The following SKIC2 variants were observed in gnomAD, a reference collection of about 807,000 sequenced individuals.
SKIC2 encodes the protein SKI2 subunit of superkiller complex, also known as superkiller complex protein 2.
chr6:31,960,660 TC>T, the SKIC2 span: 1 of 1,589,898 alleles, frequency 6.3e-7, no homozygotes, highest in South Asian at 1.1e-5. Context: ...TCCTGTCTCT[TC>T]CCAGGGGGGA....
At chr6:31,959,191 G>A in the SKIC2 span, 1 of 1,610,418 alleles carries the variant, frequency 6.2e-7, no homozygotes, top group Non-Finnish European at 8.5e-7. Flanking sequence ...TGTGGCTCCA[G>A]GATGATGGAG....
the SKIC2 span, chr6:31,959,310 A>G: frequency 6.2e-7 from 1 of 1,613,600 alleles, no homozygotes; most frequent in Non-Finnish European, 8.5e-7. Flanking sequence ...TACCCCCTCC[A>G]GATCCCCTGG....
chr6:31,964,014 C>T, the SKIC2 span: 1 of 1,612,682 alleles, frequency 6.2e-7, no homozygotes, highest in Non-Finnish European at 8.5e-7. This position sits in a 1 kb window ranked among gnomAD's most constrained non-coding sequence, Gnocchi z 5.0. Flanking sequence ...ATGAGCAGGC[C>T]TCAGGCCTCA....
the SKIC2 span, chr6:31,964,344 T>C: frequency 1.2e-6 from 2 of 1,610,432 alleles, no homozygotes; most frequent in Non-Finnish European, 1.7e-6. The surrounding 1 kb of genome is among the most constrained non-coding windows in gnomAD (Gnocchi z 5.0). Context: ...CTGGTCAAGG[T>C]GCATGTGGTG....
chr6:31,964,628 A>G, the SKIC2 span, among the ~76,000 whole-genome samples: 1 of 152,246 alleles, frequency 6.6e-6, no homozygotes, highest in Non-Finnish European at 1.5e-5. This position sits in a 1 kb window ranked among gnomAD's most constrained non-coding sequence, Gnocchi z 5.0. Context: ...GCTAGCAAGC[A>G]TTCGAAAAGT....
chr6:31,962,816 C>T, the SKIC2 span: 3 of 1,579,296 alleles, frequency 1.9e-6, no homozygotes, highest in Non-Finnish European at 2.6e-6. The surrounding 1 kb of genome is among the most constrained non-coding windows in gnomAD (Gnocchi z 5.0). Context: ...CCATGGGCTC[C>T]CCAGAACCCG....
At chr6:31,963,392 G>T in the SKIC2 span, 1 of 1,526,040 alleles carries the variant, frequency 6.6e-7, no homozygotes. The surrounding 1 kb of genome is among the most constrained non-coding windows in gnomAD (Gnocchi z 5.3). Flanking sequence ...CCCCTGACCT[G>T]CTTCCCTCTC....
the SKIC2 span, chr6:31,965,646 C>T: frequency 1.7e-6 from 1 of 592,128 alleles, no homozygotes; most frequent in Non-Finnish European, 3.1e-6. This position sits in a 1 kb window ranked among gnomAD's most constrained non-coding sequence, Gnocchi z 5.6. Flanking sequence ...ATAGATTTGC[C>T]TGGAGAGTTC....
the SKIC2 span, among the ~76,000 whole-genome samples, chr6:31,965,493 G>A: frequency 2.0e-5 from 3 of 152,186 alleles, no homozygotes. This position sits in a 1 kb window ranked among gnomAD's most constrained non-coding sequence, Gnocchi z 5.6. Flanking sequence ...TGTTCTATAA[G>A]ATCATATTTA....
At chr6:31,968,957 G>T in the SKIC2 span, 1 of 1,612,998 alleles carries the variant, frequency 6.2e-7, no homozygotes, top group Non-Finnish European at 8.5e-7. This position sits in a 1 kb window ranked among gnomAD's most constrained non-coding sequence, Gnocchi z 6.1. Flanking sequence ...GCCATGAGTT[G>T]CTCCTCACTG....
the SKIC2 span, chr6:31,969,232 T>C: frequency 6.2e-7 from 1 of 1,606,082 alleles, no homozygotes; most frequent in South Asian, 1.1e-5. This position sits in a 1 kb window ranked among gnomAD's most constrained non-coding sequence, Gnocchi z 6.1. Context: ...GGTCCTTCCC[T>C]GTCCTGGAGC....
At chr6:31,959,423 C>T in the SKIC2 span, 212 of 1,539,366 alleles carry the variant, frequency 1.4e-4, 2 homozygotes, top group South Asian at 2.3e-3. Flanking sequence ...TGACCCTAAC[C>T]TTTGACCCGC....
chr6:31,965,879 C>T, the SKIC2 span: 37 of 1,612,998 alleles, frequency 2.3e-5, no homozygotes, highest in Middle Eastern at 9.9e-4. This position sits in a 1 kb window ranked among gnomAD's most constrained non-coding sequence, Gnocchi z 5.6. Flanking sequence ...CTCCACCTTC[C>T]GGGACCTGCT....
At chr6:31,962,602 C>T in the SKIC2 span, 1 of 1,610,884 alleles carries the variant, frequency 6.2e-7, no homozygotes, top group South Asian at 1.1e-5. The surrounding 1 kb of genome is among the most constrained non-coding windows in gnomAD (Gnocchi z 5.0). Context: ...GATGGACACT[C>T]AATACAGGGG....
the SKIC2 span, chr6:31,963,418 T>C: frequency 6.4e-7 from 1 of 1,564,244 alleles, no homozygotes; most frequent in Non-Finnish European, 8.6e-7. This position sits in a 1 kb window ranked among gnomAD's most constrained non-coding sequence, Gnocchi z 5.3. Flanking sequence ...TTCAGGCGGC[T>C]GAAGCGTCGT....
chr6:31,961,440 G>A, the SKIC2 span: 1 of 1,525,966 alleles, frequency 6.6e-7, no homozygotes, highest in Non-Finnish European at 8.8e-7. Flanking sequence ...CAGGATGTGG[G>A]CTGGCTAGGA....
the SKIC2 span, chr6:31,969,293 T>G: frequency 6.2e-7 from 1 of 1,614,066 alleles, no homozygotes; most frequent in South Asian, 1.1e-5. The surrounding 1 kb of genome is among the most constrained non-coding windows in gnomAD (Gnocchi z 6.1). Flanking sequence ...ATAGAACGTG[T>G]CCGGGCTGTG....
chr6:31,967,737 G>A, the SKIC2 span: 1 of 1,613,016 alleles, frequency 6.2e-7, no homozygotes, highest in South Asian at 1.1e-5. This position sits in a 1 kb window ranked among gnomAD's most constrained non-coding sequence, Gnocchi z 4.9. Context: ...TCCACCAGCA[G>A]AGTATTCACA....
At chr6:31,960,282 C>G in the SKIC2 span, 1 of 1,613,340 alleles carries the variant, frequency 6.2e-7, no homozygotes, top group African/African-American at 1.3e-5. Flanking sequence ...CCAGTCCCAT[C>G]CGACCTACAG....
Sources: allele counts gnomAD v4.1 joint callset (sites outside exome capture counted in the v4.1 genomes callset), GRCh38; gene constraint gnomAD v4.1.1; non-coding constraint Gnocchi (gnomAD v3.1); transcripts MANE v1.5; gene names NCBI Gene and HGNC (gene_info 2026-07-23, HGNC 2026-07-21).